Variants in PARG observed in about 807,000 individuals in gnomAD.
PARG encodes the protein mitochondrial poly(ADP-ribose) glycohydrolase.
Under a neutral mutation model 113.0 loss-of-function variants are expected in PARG, and 35 were observed. That is an observed-to-expected ratio of 0.31 (90% CI 0.24 to 0.41). PARG has a LOEUF of 0.41. PARG is among the 10% of genes least tolerant of loss of function. PARG has a pLI of 1.00. For missense variants in PARG, 797 were observed against 1,169.4 expected (o/e 0.68, Z 4.64); for synonymous variants, 330 against 409.9 (o/e 0.81, Z 2.36).
At chr10:49,876,762 C>T (rs1281541044) in intron 9 of PARG, among the ~76,000 whole-genome samples, 8 of 150,666 alleles carry the variant, frequency 5.3e-5, no homozygotes, top group South Asian at 4.2e-4. Context: ...TTCTCTGTAA[C>T]CTTATGGCAC....
intron 8 of PARG, among the ~76,000 whole-genome samples, chr10:49,880,620 C>G (rs1291371391): frequency 6.6e-6 from 1 of 152,124 alleles, no homozygotes; most frequent in African/African-American, 2.4e-5. Context: ...GACCCCCAAC[C>G]AACTGAATGA....
At chr10:49,850,231 G>C (rs1845697864) in intron 13 of PARG, among the ~76,000 whole-genome samples, 1 of 140,006 alleles carries the variant, frequency 7.1e-6, no homozygotes, top group Non-Finnish European at 1.5e-5. Context: ...GCATGGTATG[G>C]TAAAAAGAGC....
chr10:49,923,725 A>G (rs1838009198), intron 4 of PARG, among the ~76,000 whole-genome samples: 1 of 151,506 alleles, frequency 6.6e-6, no homozygotes, highest in South Asian at 2.1e-4. Context: ...TTAAGATCTT[A>G]GGAGTTGGGC....
At chr10:49,937,999 T>C (rs1838832565) in intron 1 of PARG, among the ~76,000 whole-genome samples, 1 of 152,200 alleles carries the variant, frequency 6.6e-6, no homozygotes, top group Non-Finnish European at 1.5e-5. Context: ...CATAAAATTA[T>C]GCTTTCCAGG....
chr10:49,933,537 A>G lies in PARG; in HGVS notation c.911T>C (p.Met304Thr). 3.1e-6 allele frequency: 5 copies of G among 1,611,462 alleles called. No homozygotes were observed. The highest frequency in any genetic ancestry group is 4.2e-6 in the Non-Finnish European group (5 of 1,177,778). The change falls in exon 3 of 18, where the codon ATG (methionine) becomes ACG (threonine). Residue 304 changes from methionine (M) to threonine (T), a missense_variant. Transcript: ENST00000616448. ...ACTATTTTTAGAATTATCCACATCC[A>G]TCGGTGACTCGGGTTCACTTTCCTT... ...FEKESEPESP[M>T]DVDNSKNSCQ... is the part of the protein sequence containing the mutation.
Position 49,932,190 on chromosome 10 carries a change from T to C in PARG, c.1365A>G (p.Gly455=), listed in dbSNP as rs1838523680. Reference sequence around the variant, plus strand: ...TTCTTCTCATCTCCTCAATGGGAGTTCCAAGCCACTTCTTATCTGGAGAAA... The same window carrying C: ...TTCTTCTCATCTCCTCAATGGGAGTCCCAAGCCACTTCTTATCTGGAGAAA... ...PHLSPDKKWL[G]TPIEEMRRMP... The change falls in exon 4 of 18, where the codon GGA becomes GGG. Residue 455 remains glycine (G), a synonymous_variant. Coordinates refer to ENST00000616448, the MANE Select transcript of PARG (RefSeq NM_003631.5). 2 of 1,602,628 alleles carry C rather than the reference T, an allele frequency of 1.2e-6. No individual in the cohort carries two copies. Among genetic ancestry groups the C allele is most frequent in the Admixed American group, 3.3e-5 (2 of 59,956 alleles).
intron 13 of PARG, among the ~76,000 whole-genome samples, chr10:49,847,416 C>T (rs1241490872): frequency 1.3e-5 from 2 of 151,498 alleles, no homozygotes; most frequent in Non-Finnish European, 2.9e-5. Context: ...TCACATGTCT[C>T]CTCAAAAGAT....
intron 16 of PARG, 50 bp from the exon 17 acceptor site, chr10:49,820,343 A>G: frequency 7.1e-7 from 1 of 1,415,294 alleles, no homozygotes; most frequent in Middle Eastern, 1.8e-4. Context: ...TTCCACCTAG[A>G]TACCTTTAGC....
At chr10:49,843,253 A>T (rs573159251) in intron 14 of PARG, among the ~76,000 whole-genome samples, 1 of 152,308 alleles carries the variant, frequency 6.6e-6, no homozygotes, top group East Asian at 1.9e-4. Context: ...CTCAGATTTA[A>T]ACATGGAATT....
chr10:49,878,660 A>C (rs1554838846), intron 9 of PARG, among the ~76,000 whole-genome samples: 1 of 151,516 alleles, frequency 6.6e-6, no homozygotes, highest in Non-Finnish European at 1.5e-5. Context: ...TGATCATTCT[A>C]CTTTGGAGAC....
At chr10:49,890,391 C>G (rs1243029383) in intron 7 of PARG, among the ~76,000 whole-genome samples, 2 of 152,150 alleles carry the variant, frequency 1.3e-5, no homozygotes, top group African/African-American at 4.8e-5. Context: ...TGCTATTTTG[C>G]CTATCTCCTT....
intron 15 of PARG, among the ~76,000 whole-genome samples, chr10:49,838,597 G>A (rs1240492748): frequency 6.6e-6 from 1 of 151,998 alleles, no homozygotes; most frequent in Non-Finnish European, 1.5e-5. Flanking sequence ...AAATAGTTAT[G>A]CCTCCCTGAG....
At chr10:49,918,684 GATC>G (rs1287833173) in intron 6 of PARG, among the ~76,000 whole-genome samples, 1 of 152,136 alleles carries the variant, frequency 6.6e-6, no homozygotes, top group Non-Finnish European at 1.5e-5. Context: ...ACAGCAAAAA[GATC>G]ATTATATTCA....
At position 49,940,057 on chromosome 10, in the gene PARG, CAT is replaced by C. The variant is rs1212615793; in HGVS notation, c.217+1450_217+1451del. On this transcript the variant is annotated intron_variant, in intron 1 of 17. Transcript: ENST00000616448. ...CCCTAGGTCACCTTTACTTTCTCTA[CAT>C]GTTTATGTTATCTATGCCCATAGCA... Among the ~76,000 whole-genome samples, 157 of 152,356 alleles carry C rather than the reference CAT, an allele frequency of 1.0e-3. 4 individuals carry two copies. The South Asian group carries it at 0.03, about 29-fold the overall frequency.
At chr10:49,893,622 T>C (rs185764332) in intron 7 of PARG, among the ~76,000 whole-genome samples, 1 of 152,284 alleles carries the variant, frequency 6.6e-6, no homozygotes, top group Non-Finnish European at 1.5e-5. Flanking sequence ...GCATCAACCC[T>C]GTCACCCTCA....
intron 6 of PARG, among the ~76,000 whole-genome samples, chr10:49,916,646 G>T (rs1183667346): frequency 6.6e-6 from 1 of 151,904 alleles, no homozygotes; most frequent in Non-Finnish European, 1.5e-5. Context: ...TGTTTGAATA[G>T]GCAATACTAT....
chr10:49,925,030 A>T (rs1457956413), intron 4 of PARG, among the ~76,000 whole-genome samples: 3 of 152,154 alleles, frequency 2.0e-5, no homozygotes, highest in African/African-American at 7.2e-5. Context: ...GAACCCTATT[A>T]TGAACTGTGC....
rs1554835990 is a variant in PARG at position 49,861,663 on chromosome 10, T to A, written c.2130A>T (p.Arg710Ser). The A allele has an allele frequency of 9.5e-7, 1 of 1,057,084 alleles. No homozygotes were observed. Among genetic ancestry groups the A allele is most frequent in the South Asian group, 1.3e-5 (1 of 74,482 alleles). The allele number at this position is 1,057,084 out of a possible 1,614,324, so 65.5% of individuals were successfully genotyped here. Residue 710 changes from arginine to serine, a missense_variant and splice_region_variant, in exon 12 of 18, where the codon AGA (arginine) becomes AGT (serine). Around this residue, in one of 5 missense-constraint regions of PARG, gnomAD observed 40 missense variants for 124.5 expected, o/e 0.32. Coordinates refer to ENST00000616448, the MANE Select transcript of PARG (RefSeq NM_003631.5). ...GCAATCGTGTCAAGGGTTTTTCACA[T>A]CTACAATATAAAAAGACATTCCCTT... ...QSLEDFPEWE[R>S]CEKPLTRLHV... is the part of the protein sequence containing the mutation.
chr10:49,904,537 A>G (rs1434781457), intron 7 of PARG, among the ~76,000 whole-genome samples: 1 of 151,920 alleles, frequency 6.6e-6, no homozygotes, highest in Non-Finnish European at 1.5e-5. Context: ...GGATGTTGAT[A>G]ATGGGGGAGG....
Sources: allele counts gnomAD v4.1 joint callset (sites outside exome capture counted in the v4.1 genomes callset), GRCh38; gene constraint gnomAD v4.1.1; regional missense constraint gnomAD v4.1.1; transcripts MANE v1.5; gene names NCBI Gene and HGNC (gene_info 2026-07-23, HGNC 2026-07-21).